Variants in VWF observed in about 807,000 individuals in gnomAD.
VWF encodes the protein von Willebrand factor.
A neutral mutation model predicts 308.6 loss-of-function variants in VWF; 176 were observed. The ratio of observed to expected loss-of-function variants is 0.57; its 90% CI spans 0.50 to 0.65. The LOEUF (loss-of-function observed/expected upper bound fraction) is 0.65. VWF is among the 30% of genes least tolerant of loss of function. The probability of loss-of-function intolerance (pLI) is 0.00; values close to 1 mark genes in which losing one functional copy is unlikely to be tolerated. For synonymous variants in VWF, 1,385 were observed against 1,443.4 expected, an observed-to-expected ratio of 0.96 and a Z score of 0.92; for missense variants, 3,146 against 3,648.2, an observed-to-expected ratio of 0.86 and a Z score of 3.55.
intron 5 of VWF, among the ~76,000 whole-genome samples, chr12:6,108,747 C>T (rs1014046245): frequency 6.6e-6 from 1 of 151,824 alleles, no homozygotes; most frequent in Non-Finnish European, 1.5e-5. Flanking sequence ...TTTGGGAGGC[C>T]GAGGGGGGCA....
chr12:6,064,369 C>G lies in VWF; in HGVS notation c.1309G>C (p.Asp437His). 1 of 1,614,092 alleles carries G rather than the reference C, an allele frequency of 6.2e-7. No homozygotes were observed. Among genetic ancestry groups the G allele is most frequent in the Non-Finnish European group, 8.5e-7 (1 of 1,180,022 alleles). Reference protein sequence around the residue: ...IETVQCADDRDAVCTRSVTVR... With the variant: ...IETVQCADDRHAVCTRSVTVR... ...GTGACGGAGCGGGTGCACACAGCGTCGCGGTCATCAGCACACTGCCAAGAG... is the reference window on the plus strand; with the variant it reads ...GTGACGGAGCGGGTGCACACAGCGTGGCGGTCATCAGCACACTGCCAAGAG... The change falls in exon 12 of 52, where the codon GAC becomes CAC. Residue 437 changes from aspartate to histidine, a missense_variant. Transcript: ENST00000261405.
At chr12:5,980,077 GAAAGA>G (rs1308135010) in intron 42 of VWF, among the ~76,000 whole-genome samples, 1 of 126,350 alleles carries the variant, frequency 7.9e-6, no homozygotes, top group African/African-American at 3.1e-5. Flanking sequence ...AAGAAAGAAA[GAAAGA>G]AAAGAAAGAA....
At chr12:6,074,331 T>C (rs1220060811) in intron 7 of VWF, among the ~76,000 whole-genome samples, 3 of 152,106 alleles carry the variant, frequency 2.0e-5, no homozygotes, top group Non-Finnish European at 4.4e-5. Context: ...GCTCTCCTCC[T>C]TCCTCTCTCT....
intron 10 of VWF, among the ~76,000 whole-genome samples, chr12:6,068,835 CGTGTGTGTGTGT>C (rs34977515): frequency 4.4e-5 from 4 of 91,310 alleles, no homozygotes; most frequent in Admixed American, 1.3e-4. Context: ...TTTTTTTTTG[CGTGTGTGTGTGT>C]GTGTGTGTGT....
chr12:5,956,267 T>C (rs1420877573), intron 47 of VWF, among the ~76,000 whole-genome samples: 1 of 152,242 alleles, frequency 6.6e-6, no homozygotes, highest in African/African-American at 2.4e-5. Context: ...ATACTCCTTC[T>C]ACTTATTAAA....
intron 8 of VWF, 141 bp from the exon 9 acceptor site, chr12:6,072,583 T>A: frequency 1.4e-6 from 1 of 721,574 alleles, no homozygotes; most frequent in Non-Finnish European, 2.5e-6. Context: ...ATCTTTCACA[T>A]AATGCAATAT....
At position 6,123,156 on chromosome 12, in the gene VWF, G is replaced by A; in HGVS notation, c.41C>T (p.Ala14Val). ...TTTGTACCTACCTGGCAAAATGAGG[G>A]CCAGAGCAAGCAGCACCCCGGCAAA... is the stretch of plus-strand genomic sequence containing the variant. Reference protein sequence around the residue: ...ARFAGVLLALALILPGTLCAE... With the variant: ...ARFAGVLLALVLILPGTLCAE... The change falls in exon 2 of 52, where the codon GCC becomes GTC. Residue 14 changes from alanine (A) to valine (V), a missense_variant. By Grantham distance (64) the Ala-to-Val change is moderately conservative. Coordinates refer to ENST00000261405, the MANE Select transcript of VWF (RefSeq NM_000552.5). 6.2e-7 allele frequency: 1 copy of A among 1,614,176 alleles called. No homozygotes were observed. Among genetic ancestry groups the A allele is most frequent in the Non-Finnish European group, 8.5e-7 (1 of 1,180,040 alleles).
intron 34 of VWF, 43 bp from the exon 35 acceptor site, chr12:5,996,265 C>A (rs1240638479): frequency 6.4e-6 from 10 of 1,557,924 alleles, no homozygotes; most frequent in South Asian, 1.2e-5. Flanking sequence ...GTTATCCAAA[C>A]CCCCATGCCT....
rs112543857 is a variant in VWF, at chr12:6,109,786, A to G, written c.532+588T>C. Among the ~76,000 whole-genome samples, 936 of 152,152 alleles carry G rather than the reference A, an allele frequency of 6.2e-3. 12 individuals carry two copies. Among genetic ancestry groups the G allele is most frequent in the African/African-American group, 0.022 (894 of 41,524 alleles). ...CTGTCTCAGCCTCCCAAGTAGCTGG[A>G]ACTACAGGCACCCGCCACCACGCCT... On this transcript the variant is annotated intron_variant, in intron 5 of 51. Coordinates refer to ENST00000261405, the MANE Select transcript of VWF (RefSeq NM_000552.5).
At chr12:6,113,516 G>C (rs11064028) in intron 3 of VWF, among the ~76,000 whole-genome samples, 1 of 152,020 alleles carries the variant, frequency 6.6e-6, no homozygotes, top group Admixed American at 6.5e-5. Context: ...GGATGGTCTC[G>C]ATCTCCTGAC....
At chr12:6,026,934 GA>G (rs1164969116) in intron 22 of VWF, among the ~76,000 whole-genome samples, 5 of 152,208 alleles carry the variant, frequency 3.3e-5, no homozygotes, top group African/African-American at 1.2e-4. Context: ...AAAAACTACA[GA>G]AAAAACTGGA....
chr12:6,095,112 GA>G lies in VWF; in HGVS notation c.657+347del, dbSNP rs552693175. On this transcript the variant is annotated intron_variant, in intron 6 of 51. Transcript: ENST00000261405. ...AGGACCCGGCTTCAGGTCACAGCAA[GA>G]AGGTCCTTGCAAGACACTGAATGCT... Among the ~76,000 whole-genome samples, 3 of 152,134 alleles carry G rather than the reference GA, an allele frequency of 2.0e-5. No homozygotes were observed. The South Asian group carries it at 6.2e-4, about 32-fold the overall frequency.
intron 10 of VWF, among the ~76,000 whole-genome samples, chr12:6,066,617 T>C (rs1256564747): frequency 1.3e-5 from 2 of 152,212 alleles, no homozygotes; most frequent in African/African-American, 4.8e-5. Context: ...AAGTTCCCCC[T>C]TTGGGGAACA....
chr12:6,010,868 A>G (rs1012918119), intron 34 of VWF, among the ~76,000 whole-genome samples: 1 of 152,236 alleles, frequency 6.6e-6, no homozygotes, highest in Non-Finnish European at 1.5e-5. Context: ...CTAGTTATCA[A>G]CTGAGACTTT....
At position 6,013,530 on chromosome 12, in the gene VWF, G is replaced by A; in HGVS notation, c.5571C>T (p.Leu1857=). Residue 1857 remains leucine, a synonymous_variant, in exon 32 of 52, where the codon CTC becomes CTT. Coordinates refer to ENST00000261405, the MANE Select transcript of VWF (RefSeq NM_000552.5). ...NVVKLQRIED[L]PTMVTLGNSF... is the part of the protein sequence containing the mutation. ...AATTGCCCAAGGTGACCATGGTAGGGAGGTCTTCGATTCGCTGGAGCTTCA... is the reference window on the plus strand; with the variant it reads ...AATTGCCCAAGGTGACCATGGTAGGAAGGTCTTCGATTCGCTGGAGCTTCA... The A allele has an allele frequency of 1.2e-6, 2 of 1,614,156 alleles. No homozygotes were observed. The highest frequency in any genetic ancestry group is 1.1e-5 in the South Asian group (1 of 91,078).
chr12:6,109,987 C>A (rs1388596432), intron 5 of VWF, among the ~76,000 whole-genome samples: 1 of 152,112 alleles, frequency 6.6e-6, no homozygotes. Context: ...TTCTATTGCT[C>A]GTGAACACAC....
chr12:6,081,278 T>C (rs11064016), intron 6 of VWF, among the ~76,000 whole-genome samples: 3 of 152,202 alleles, frequency 2.0e-5, no homozygotes, highest in Admixed American at 6.5e-5. Flanking sequence ...AGACAGCCTT[T>C]CAGATTTAGA....
In VWF at chr12:6,088,790, A is replaced by C. The variant is rs189151077; in HGVS notation, c.657+6670T>G. ...TAGCTTGGGGCTCCAAACTCCAACC[A>C]TCTTGCCTTCAGTTTGAAAAGCTGA... On this transcript the variant is annotated intron_variant, in intron 6 of 51. Coordinates refer to ENST00000261405, the MANE Select transcript of VWF (RefSeq NM_000552.5). Among the ~76,000 whole-genome samples, 132 of 152,354 alleles carry C rather than the reference A, an allele frequency of 8.7e-4. 1 individual carries two copies. Among genetic ancestry groups the C allele is most frequent in the African/African-American group, 3.1e-3 (128 of 41,592 alleles).
At chr12:6,089,912 G>T (rs2239142) in intron 6 of VWF, among the ~76,000 whole-genome samples, 1 of 151,674 alleles carries the variant, frequency 6.6e-6, no homozygotes, top group Non-Finnish European at 1.5e-5. Flanking sequence ...CAGCACAACT[G>T]TATGTTTGGG....
Sources: allele counts gnomAD v4.1 joint callset (sites outside exome capture counted in the v4.1 genomes callset), GRCh38; gene constraint gnomAD v4.1.1; transcripts MANE v1.5; gene names NCBI Gene and HGNC (gene_info 2026-07-23, HGNC 2026-07-21).